Variants in SLFN12L observed in about 807,000 individuals in gnomAD.
SLFN12L encodes the protein schlafen family member 12-like.
In SLFN12L, 34 loss-of-function variants were observed where a neutral mutation model predicts 34.8. The ratio of observed to expected loss-of-function variants is 0.98; its 90% CI spans 0.74 to 1.30. SLFN12L has a LOEUF of 1.30. Ranked by LOEUF, SLFN12L falls within the 50% of genes most tolerant of loss-of-function variation. The pLI, the probability that SLFN12L is intolerant of heterozygous loss-of-function variation, is 0.00. For synonymous variants in SLFN12L, 259 were observed against 247.5 expected (o/e 1.05, Z -0.44); for missense variants, 703 against 696.2 (o/e 1.01, Z -0.11).
At chr17:35,506,070 T>C (rs1225918101) in intron 2 of SLFN12L, among the ~76,000 whole-genome samples, 1 of 152,194 alleles carries the variant, frequency 6.6e-6, no homozygotes, top group Non-Finnish European at 1.5e-5. Flanking sequence ...CTGATGTGTG[T>C]TATGACCCAT....
At position 35,511,648 on chromosome 17, in the gene SLFN12L, C is replaced by T. The variant is rs1006512160; in HGVS notation, c.86+10631G>A. 3.3e-5 allele frequency among the ~76,000 whole-genome samples: 5 copies of T among 151,912 alleles called. No homozygotes were observed. The East Asian group carries it at 5.8e-4, about 18-fold the overall frequency. ...GTCCTAGCTACTCAGGAGCAGGAGG[C>T]TGAGGTGGAAGGATCCCTTGAGCCC... On this transcript the variant is annotated intron_variant, in intron 2 of 4. Coordinates refer to ENST00000628453, the MANE Select transcript of SLFN12L (RefSeq NM_001363830.2).
At chr17:35,480,613 A>C (rs8072477) in intron 2 of SLFN12L, 33,446 of 154,282 alleles carry the variant, frequency 0.22, 4,159 homozygotes, top group South Asian at 0.48. Context: ...TAGCTTTTAC[A>C]TTCATTAATT....
At chr17:35,537,405 G>A (rs2072472575) in intron 1 of SLFN12L, among the ~76,000 whole-genome samples, 168 bp downstream of exon 1, 1 of 152,194 alleles carries the variant, frequency 6.6e-6, no homozygotes, top group Non-Finnish European at 1.5e-5. Flanking sequence ...TATTAAAAGT[G>A]TAGACCTAAA....
intron 2 of SLFN12L, among the ~76,000 whole-genome samples, chr17:35,513,488 T>C (rs551055806): frequency 3.9e-5 from 6 of 152,232 alleles, no homozygotes; most frequent in Non-Finnish European, 8.8e-5. Context: ...GAATGAAAGC[T>C]ATCTGTACAA....
rs955481539 is a variant in SLFN12L, at chr17:35,471,591, G to T, written c.*3332C>A. 1.3e-5 allele frequency among the ~76,000 whole-genome samples: 2 copies of T among 152,176 alleles called. No homozygotes were observed. Among genetic ancestry groups the T allele is most frequent in the African/African-American group, 4.8e-5 (2 of 41,438 alleles). ...GAACTAATTTACATTCCCACCAACA[G>T]TGTAAAAGCATTCCTATTTCTCCAC... On this transcript the variant is annotated 3_prime_UTR_variant, in exon 5 of 5. Transcript: ENST00000628453.
At chr17:35,511,842 T>C (rs1412905646) in intron 2 of SLFN12L, among the ~76,000 whole-genome samples, 2 of 152,226 alleles carry the variant, frequency 1.3e-5, no homozygotes, top group African/African-American at 2.4e-5. Context: ...TCACTTTAAG[T>C]ACAAATTGTG....
At chr17:35,494,677 A>C (rs1027292315) in intron 2 of SLFN12L, among the ~76,000 whole-genome samples, 1 of 152,032 alleles carries the variant, frequency 6.6e-6, no homozygotes, top group African/African-American at 2.4e-5. Flanking sequence ...GAAGCAGGCA[A>C]TATATAGTCA....
At chr17:35,498,931 T>C (rs1915194248) in intron 2 of SLFN12L, 3 of 726,146 alleles carry the variant, frequency 4.1e-6, no homozygotes, top group Non-Finnish European at 7.6e-6. Flanking sequence ...GATGCTGCCC[T>C]GGAGGTCTTA....
In SLFN12L at chr17:35,475,466, A is replaced by G. The variant is rs181468883; in HGVS notation, c.1296T>C (p.Thr432=). The G allele has an allele frequency of 8.7e-6, 14 of 1,608,480 alleles. No homozygotes were observed. The East Asian group carries it at 2.9e-4, about 33-fold the overall frequency. ...TTCTGCAGAAGGTTTTTGGAGCACA[A>G]GTTATCTTTTCTGATAGCCCTAGAT... ...YHLPGLSEKI[T]CAPKTFCRNL... Residue 432 remains threonine (T), a synonymous_variant, in exon 5 of 5, where the codon ACT becomes ACC. Transcript: ENST00000628453.
chr17:35,474,968 A>G lies in SLFN12L; in HGVS notation c.1794T>C (p.Arg598=), dbSNP rs1008128042. The stretch of plus-strand genomic sequence containing the variant: ...CAAACCAACAAACAAACAAACAAAA[A>G]CGAAACAAACAAACAAACAAAAAGA... ...NQIFLFVCLF[R]FCLFVCWFVC... Residue 598 remains arginine (R), a synonymous_variant, in exon 5 of 5, where the codon CGT becomes CGC. Coordinates refer to ENST00000628453, the MANE Select transcript of SLFN12L (RefSeq NM_001363830.2). The G allele has an allele frequency of 6.4e-6, 10 of 1,552,992 alleles. No individual in the cohort carries two copies. Among genetic ancestry groups the G allele is most frequent in the Non-Finnish European group, 8.7e-6 (10 of 1,147,692 alleles).
At chr17:35,477,866 T>G (rs1342832215) in intron 4 of SLFN12L, 9 of 380,376 alleles carry the variant, frequency 2.4e-5, no homozygotes, top group African/African-American at 4.3e-5. Flanking sequence ...TACTTAAATA[T>G]TCACACACTG....
At chr17:35,475,649 A>G (rs1299415724) in intron 4 of SLFN12L, among the ~76,000 whole-genome samples, 164 bp from the exon 5 acceptor site, 1 of 152,202 alleles carries the variant, frequency 6.6e-6, no homozygotes, top group African/African-American at 2.4e-5. Context: ...CTGTAATAAC[A>G]ACACTTTGGG....
intron 2 of SLFN12L, chr17:35,500,243 T>C (rs552264685): frequency 2.6e-5 from 4 of 152,334 alleles, no homozygotes; most frequent in Admixed American, 2.0e-4. Flanking sequence ...TTCCTTATGA[T>C]GAGTAAAGAG....
rs1263129110 is a variant in SLFN12L at position 35,479,179 on chromosome 17, T to A, written c.1103A>T (p.Asp368Val). ...CTCGGTCAACTGCTTAACTCTGTTATCTTTCACGTGCCAGGAATCAGGCTT... is the reference window on the plus strand; with the variant it reads ...CTCGGTCAACTGCTTAACTCTGTTAACTTTCACGTGCCAGGAATCAGGCTT... ...AKKPDSWHVK[D>V]NRVKQLTEKE... Residue 368 changes from aspartate (D) to valine (V), a missense_variant, in exon 3 of 5, where the codon GAT (aspartate) becomes GTT (valine). Asp to Val is a radical substitution (Grantham distance 152, BLOSUM62 -3). Transcript: ENST00000628453. 1 of 1,577,680 alleles carries A rather than the reference T, an allele frequency of 6.3e-7. No individual in the cohort carries two copies. The highest frequency in any genetic ancestry group is 1.2e-5 in the South Asian group (1 of 86,318).
chr17:35,522,171 T>C (rs776305960), intron 2 of SLFN12L, 108 bp downstream of exon 2: 221 of 1,449,712 alleles, frequency 1.5e-4, no homozygotes, highest in Admixed American at 4.1e-4. Context: ...ACACAGTTTG[T>C]TGTCACAGAT....
At chr17:35,502,832 A>G (rs1915346525) in intron 2 of SLFN12L, among the ~76,000 whole-genome samples, 1 of 152,160 alleles carries the variant, frequency 6.6e-6, no homozygotes, top group Non-Finnish European at 1.5e-5. Context: ...TATCTTCAGG[A>G]AAAAAAGGGG....
intron 2 of SLFN12L, among the ~76,000 whole-genome samples, chr17:35,504,361 T>G (rs1036676597): frequency 2.0e-5 from 3 of 152,216 alleles, no homozygotes; most frequent in African/African-American, 7.2e-5. Flanking sequence ...CAACCGGTTT[T>G]TGTAATTTCC....
intron 2 of SLFN12L, among the ~76,000 whole-genome samples, chr17:35,495,936 CACACACACACAA>C (rs1243957529): frequency 6.8e-5 from 9 of 132,550 alleles, no homozygotes; most frequent in African/African-American, 2.3e-4. Context: ...CACACACACA[CACACACACACAA>C]CAAAACGCCA....
chr17:35,512,555 A>G lies in SLFN12L; in HGVS notation c.86+9724T>C, dbSNP rs149205452. Among the ~76,000 whole-genome samples the G allele has an allele frequency of 2.4e-3, 358 of 152,062 alleles. 1 individual carries two copies. The highest frequency in any genetic ancestry group is 8.0e-3 in the African/African-American group (332 of 41,488). The stretch of plus-strand genomic sequence containing the variant: ...TAATTTTTTTGTATTTTTAGTACAG[A>G]CGGGGTTTCACTGTGTTAGCCAGGA... On this transcript the variant is annotated intron_variant, in intron 2 of 4. Transcript: ENST00000628453.
Sources: allele counts gnomAD v4.1 joint callset (sites outside exome capture counted in the v4.1 genomes callset), GRCh38; gene constraint gnomAD v4.1.1; transcripts MANE v1.5; gene names NCBI Gene and HGNC (gene_info 2026-07-23, HGNC 2026-07-21).